Variants in SHPRH observed in about 807,000 individuals in gnomAD.
The protein encoded by SHPRH is SNF2 histone linker PHD RING helicase, also known as E3 ubiquitin-protein ligase SHPRH.
A neutral mutation model predicts 202.5 loss-of-function variants in SHPRH; 106 were observed. The ratio of observed to expected loss-of-function variants is 0.52; its 90% CI spans 0.45 to 0.62. The LOEUF is 0.62. Among genes scored for constraint, SHPRH ranks in the 20% least tolerant of loss-of-function variants. SHPRH has a pLI of 0.00. For synonymous variants in SHPRH, 729 were observed against 686.0 expected, an observed-to-expected ratio of 1.06 and a Z score of -0.98; for missense variants, 1,710 against 2,020.0, an observed-to-expected ratio of 0.85 and a Z score of 2.94.
intron 1 of SHPRH, among the ~76,000 whole-genome samples, chr6:145,962,920 T>A (rs1230021367): frequency 1.3e-5 from 2 of 152,214 alleles, no homozygotes; most frequent in Admixed American, 6.5e-5. Flanking sequence ...ACTTTAAAAA[T>A]GCCCTCATAA....
intron 4 of SHPRH, among the ~76,000 whole-genome samples, chr6:145,948,959 C>T (rs1787691755): frequency 6.6e-6 from 1 of 151,938 alleles, no homozygotes; most frequent in Non-Finnish European, 1.5e-5. Context: ...TCTCTACCCA[C>T]CAATGAAACA....
chr6:145,952,359 A>G lies in SHPRH; in HGVS notation c.753T>C (p.Ser251=). The G allele has an allele frequency of 6.3e-7, 1 of 1,598,784 alleles. No homozygotes were observed. Among genetic ancestry groups the G allele is most frequent in the Non-Finnish European group, 8.5e-7 (1 of 1,173,348 alleles). The part of the protein sequence containing the change: ...MKKVMEKLHN[S]IIPDVLEEDE... Reference sequence around the variant, plus strand: ...TACTGTAAATATTACCTGGAATAATAGAATTGTGTAACTTTTCCATTACTT... The same window carrying G: ...TACTGTAAATATTACCTGGAATAATGGAATTGTGTAACTTTTCCATTACTT... Residue 251 remains serine, a synonymous_variant, in exon 3 of 30, where the codon TCT becomes TCC. Transcript: ENST00000275233.
At chr6:145,956,821 A>G (rs974087687) in intron 1 of SHPRH, among the ~76,000 whole-genome samples, 4 of 152,118 alleles carry the variant, frequency 2.6e-5, no homozygotes, top group East Asian at 1.9e-4. Flanking sequence ...TCAGATGTCA[A>G]TTTCTTAGTA....
intron 25 of SHPRH, chr6:145,905,637 T>G (rs942873469): frequency 6.6e-6 from 1 of 152,120 alleles, no homozygotes; most frequent in Non-Finnish European, 1.5e-5. Flanking sequence ...GTGGATTCAA[T>G]GTAAACTCAG....
At chr6:145,888,669 T>G (rs1192925152) in intron 28 of SHPRH, among the ~76,000 whole-genome samples, 1 of 152,252 alleles carries the variant, frequency 6.6e-6, no homozygotes. Context: ...TATGCATGAT[T>G]TGATGTATAC....
At position 145,954,942 on chromosome 6, in the gene SHPRH, C is replaced by T; in HGVS notation, c.381G>A (p.Gln127=). The change falls in exon 2 of 30, where the codon CAG becomes CAA. Residue 127 remains glutamine (Q), a synonymous_variant. Transcript: ENST00000275233. ...TTTCGGAAAAATTTTCAATTAAACT[C>T]TGTGCAGGAAGAAGCTGAAGAGTTA... ...GELTLQLLPA[Q]SLIENFSERS... is the part of the protein sequence containing the mutation. The T allele has an allele frequency of 1.9e-6, 3 of 1,613,832 alleles. No homozygotes were observed. Among genetic ancestry groups the T allele is most frequent in the Non-Finnish European group, 2.5e-6 (3 of 1,179,916 alleles).
In SHPRH at chr6:145,943,686, A is replaced by G. The variant is rs1260229701; in HGVS notation, c.1695T>C (p.Tyr565=). The G allele has an allele frequency of 6.2e-7, 1 of 1,613,768 alleles. No homozygotes were observed. The highest frequency in any genetic ancestry group is 8.5e-7 in the Non-Finnish European group (1 of 1,179,900). Residue 565 remains tyrosine, a synonymous_variant, in exon 9 of 30, where the codon TAT becomes TAC. Coordinates refer to ENST00000275233, the MANE Select transcript of SHPRH (RefSeq NM_001042683.3). ...TSDDDDDPYY[Y]YYKSRRNRSK... is the part of the protein sequence containing the mutation. The stretch of plus-strand genomic sequence containing the variant: ...TGCGATTTCTCCTGGACTTATAATA[A>G]TAATAGTAAGGATCATCATCATCAT...
intron 4 of SHPRH, among the ~76,000 whole-genome samples, chr6:145,949,293 A>G (rs191405289): frequency 1.3e-5 from 2 of 152,250 alleles, no homozygotes; most frequent in East Asian, 1.9e-4. Flanking sequence ...CACAATTGCA[A>G]AGATATGAAA....
intron 1 of SHPRH, among the ~76,000 whole-genome samples, chr6:145,957,746 GCA>G (rs1329103765): frequency 6.6e-6 from 1 of 152,078 alleles, no homozygotes; most frequent in African/African-American, 2.4e-5. Context: ...TTTGAACACA[GCA>G]CAGTCACTTT....
At chr6:145,894,855 T>A in intron 26 of SHPRH, 30 bp downstream of exon 26, 1 of 1,599,664 alleles carries the variant, frequency 6.3e-7, no homozygotes, top group Non-Finnish European at 8.6e-7. Flanking sequence ...CAGTTCGAAT[T>A]AATATTGAGG....
chr6:145,892,122 A>C (rs1781620039), intron 28 of SHPRH, among the ~76,000 whole-genome samples: 1 of 152,174 alleles, frequency 6.6e-6, no homozygotes, highest in African/African-American at 2.4e-5. Flanking sequence ...TATGACACAG[A>C]AGACTTCATC....
intron 4 of SHPRH, 113 bp from the exon 5 acceptor site, chr6:145,948,463 A>T (rs1368647646): frequency 1.5e-6 from 1 of 665,046 alleles, no homozygotes; most frequent in African/African-American, 1.9e-5. Flanking sequence ...TGATACCCAT[A>T]TTCTTGTGAA....
intron 17 of SHPRH, 43 bp from the exon 18 acceptor site, chr6:145,923,828 A>T (rs769649283): frequency 5.7e-6 from 9 of 1,584,970 alleles, no homozygotes; most frequent in Non-Finnish European, 7.7e-6. Flanking sequence ...CATTTTTTTT[A>T]GTACTCACTA....
intron 20 of SHPRH, 29 bp from the exon 21 acceptor site, chr6:145,921,421 T>C (rs1784418504): frequency 1.3e-6 from 2 of 1,595,088 alleles, no homozygotes; most frequent in South Asian, 2.2e-5. Flanking sequence ...AAAACAACAG[T>C]AACTGGTATC....
At chr6:145,883,514 T>A (rs768426859), downstream of SHPRH, 4 of 152,250 alleles carry the variant, frequency 2.6e-5, no homozygotes, top group Non-Finnish European at 5.9e-5. Flanking sequence ...GGGTTATCAA[T>A]TACTTACATA....
At chr6:145,886,859 C>G in intron 29 of SHPRH, 72 bp from the exon 30 acceptor site, 1 of 1,460,572 alleles carries the variant, frequency 6.8e-7, no homozygotes, top group Non-Finnish European at 9.2e-7. Flanking sequence ...TGTAGTAATA[C>G]GAACTAGACA....
At chr6:145,923,117 G>A (rs1784568418) in intron 18 of SHPRH, among the ~76,000 whole-genome samples, 1 of 151,842 alleles carries the variant, frequency 6.6e-6, no homozygotes, top group Admixed American at 6.6e-5. Flanking sequence ...CTTTGAAAGT[G>A]TACGACTGCC....
chr6:145,904,184 G>A (rs910896720), intron 25 of SHPRH: 2 of 151,928 alleles, frequency 1.3e-5, no homozygotes, highest in African/African-American at 4.8e-5. Flanking sequence ...TAAGCATTCT[G>A]TACGATATAT....
intron 1 of SHPRH, among the ~76,000 whole-genome samples, chr6:145,959,438 G>A (rs1788857343): frequency 6.6e-6 from 1 of 152,150 alleles, no homozygotes; most frequent in South Asian, 2.1e-4. Flanking sequence ...TTGTAGCCTA[G>A]GAGCAGCAGG....
Sources: gnomAD v4.1 joint callset for allele counts (sites outside exome capture counted in the v4.1 genomes callset) on GRCh38, gnomAD v4.1.1 for gene constraint, MANE v1.5 for transcripts, NCBI Gene and HGNC (gene_info 2026-07-23, HGNC 2026-07-21) for gene names.